The following OSBP2 variants were observed in gnomAD, a reference collection of about 807,000 sequenced individuals.
The protein encoded by OSBP2 is oxysterol-binding protein 2.
OSBP2 carries 66 observed loss-of-function variants against 96.0 expected under a neutral mutation model. The observed-to-expected ratio is 0.69, with a 90% CI of 0.56 to 0.84. The LOEUF is 0.84. OSBP2 is among the 40% of genes least tolerant of loss of function. OSBP2 has a pLI of 0.00. For missense variants in OSBP2, 1,038 were observed against 1,222.7 expected, an observed-to-expected ratio of 0.85 and a Z score of 2.25; for synonymous variants, 525 against 520.9, an observed-to-expected ratio of 1.01 and a Z score of -0.11.
At chr22:30,705,281 TTTG>T (rs58817033) in intron 1 of OSBP2, among the ~76,000 whole-genome samples, 47,339 of 150,344 alleles carry the variant, frequency 0.31, 7,614 homozygotes, top group East Asian at 0.38. Context: ...CCCCAGTATT[TTTG>T]TTGTTGTTGT....
intron 2 of OSBP2, among the ~76,000 whole-genome samples, chr22:30,783,807 C>G (rs1297314800): frequency 6.6e-6 from 1 of 152,192 alleles, no homozygotes; most frequent in African/African-American, 2.4e-5. Context: ...TCTTCTCAAC[C>G]TGGCGCTCTT....
chr22:30,806,847 G>A (rs922267805), intron 2 of OSBP2, among the ~76,000 whole-genome samples: 1 of 152,140 alleles, frequency 6.6e-6, no homozygotes, highest in Non-Finnish European at 1.5e-5. Context: ...ATTGCCGTTC[G>A]CAGACTGCAT....
chr22:30,876,783 C>T (rs919659944), intron 3 of OSBP2, among the ~76,000 whole-genome samples: 1 of 152,200 alleles, frequency 6.6e-6, no homozygotes, highest in African/African-American at 2.4e-5. Flanking sequence ...ACTCTGCAGG[C>T]TTACGCATAG....
intron 2 of OSBP2, among the ~76,000 whole-genome samples, chr22:30,771,141 T>C (rs185939781): frequency 6.6e-6 from 1 of 152,278 alleles, no homozygotes; most frequent in African/African-American, 2.4e-5. Flanking sequence ...CATGACCACC[T>C]CTAGTCCTCT....
intron 1 of OSBP2, among the ~76,000 whole-genome samples, chr22:30,720,762 G>C (rs1488297584): frequency 6.6e-6 from 1 of 152,164 alleles, no homozygotes; most frequent in East Asian, 1.9e-4. Flanking sequence ...TAACTAATGA[G>C]ACCCTCCTGT....
intron 1 of OSBP2, among the ~76,000 whole-genome samples, chr22:30,730,572 G>A (rs2089733395): frequency 6.6e-6 from 1 of 151,678 alleles, no homozygotes; most frequent in African/African-American, 2.4e-5. Flanking sequence ...GAATTAGAAT[G>A]CAGAAGGTTG....
chr22:30,885,752 C>T (rs1208436802), intron 3 of OSBP2, among the ~76,000 whole-genome samples: 1 of 152,230 alleles, frequency 6.6e-6, no homozygotes, highest in Non-Finnish European at 1.5e-5. Context: ...TGCTCGGGCC[C>T]TACCATAATG....
At chr22:30,797,433 C>T (rs554550293) in intron 2 of OSBP2, among the ~76,000 whole-genome samples, 1 of 152,086 alleles carries the variant, frequency 6.6e-6, no homozygotes, top group South Asian at 2.1e-4. Context: ...CAGGCATGTG[C>T]CACCACACCC....
chr22:30,870,826 G>C lies in OSBP2; in HGVS notation c.1107+144G>C. The C allele has an allele frequency of 1.2e-6, 1 of 810,068 alleles. No individual in the cohort carries two copies. The highest frequency in any genetic ancestry group is 1.8e-5 in the South Asian group (1 of 56,120). 50.2% of individuals were successfully genotyped at this position (810,068 alleles called of 1,614,324 possible). On this transcript the variant is annotated intron_variant, in intron 3 of 13. Transcript: ENST00000332585. This position sits in a 1 kb window ranked among gnomAD's most constrained non-coding sequence, Gnocchi z 4.1. ...TGTTTCCCAAAGCCAGCGCCCCCCA[G>C]CTAGCTTCCGAGTTCTTAAATCATC...
At chr22:30,833,786 T>A (rs1302394215) in intron 2 of OSBP2, among the ~76,000 whole-genome samples, 3 of 152,250 alleles carry the variant, frequency 2.0e-5, no homozygotes, top group Admixed American at 6.5e-5. Context: ...GACTTCATCA[T>A]CATATGCCAG....
chr22:30,862,799 C>T (rs1274257983), intron 2 of OSBP2, among the ~76,000 whole-genome samples: 1 of 151,702 alleles, frequency 6.6e-6, no homozygotes, highest in African/African-American at 2.4e-5. Flanking sequence ...TAGTGAAACC[C>T]CGTCTCTACT....
intron 2 of OSBP2, among the ~76,000 whole-genome samples, chr22:30,775,789 T>TG (rs869208764): frequency 6.6e-6 from 1 of 151,902 alleles, no homozygotes; most frequent in Non-Finnish European, 1.5e-5. Context: ...AAGATTTTTT[T>TG]GGGGGGGAGG....
At chr22:30,796,463 G>A (rs1345591073) in intron 2 of OSBP2, among the ~76,000 whole-genome samples, 1 of 151,826 alleles carries the variant, frequency 6.6e-6, no homozygotes, top group Non-Finnish European at 1.5e-5. Flanking sequence ...GTTAATATAT[G>A]TGCTTTAGAT....
At chr22:30,751,213 C>T (rs2090069579) in intron 2 of OSBP2, among the ~76,000 whole-genome samples, 1 of 152,064 alleles carries the variant, frequency 6.6e-6, no homozygotes, top group Admixed American at 6.6e-5. Context: ...AATCAAATTG[C>T]ACCCCAATCA....
At chr22:30,796,531 G>A (rs755896328) in intron 2 of OSBP2, among the ~76,000 whole-genome samples, 13 of 151,604 alleles carry the variant, frequency 8.6e-5, no homozygotes, top group Non-Finnish European at 1.8e-4. Flanking sequence ...TTTGAAACAG[G>A]TTCTTACTCT....
intron 2 of OSBP2, among the ~76,000 whole-genome samples, chr22:30,825,115 G>A (rs1361654158): frequency 6.6e-6 from 1 of 152,212 alleles, no homozygotes; most frequent in African/African-American, 2.4e-5. Flanking sequence ...TCAAAGCACA[G>A]CCCCACTGCT....
At chr22:30,806,871 C>G (rs551081373) in intron 2 of OSBP2, among the ~76,000 whole-genome samples, 6 of 152,256 alleles carry the variant, frequency 3.9e-5, no homozygotes, top group Non-Finnish European at 8.8e-5. Context: ...TTTCCATTTC[C>G]CGGGTGATGA....
intron 1 of OSBP2, among the ~76,000 whole-genome samples, chr22:30,722,787 C>CTTT (rs34874706): frequency 1.0e-5 from 1 of 95,890 alleles, no homozygotes; most frequent in Non-Finnish European, 2.0e-5. Context: ...CTCTCTCTGT[C>CTTT]TTTTTTTTTT....
chr22:30,717,889 C>G (rs138823207), intron 1 of OSBP2, among the ~76,000 whole-genome samples: 1 of 152,152 alleles, frequency 6.6e-6, no homozygotes, highest in Admixed American at 6.5e-5. Flanking sequence ...GAGTTAGAAT[C>G]GAGTCCTCAG....
Sources: allele counts gnomAD v4.1 joint callset (sites outside exome capture counted in the v4.1 genomes callset), GRCh38; gene constraint gnomAD v4.1.1; non-coding constraint Gnocchi (gnomAD v3.1); transcripts MANE v1.5; gene names NCBI Gene and HGNC (gene_info 2026-07-23, HGNC 2026-07-21).